ADAMTS2: variants seen among roughly 807,000 people sequenced by gnomAD.
ADAMTS2 encodes ADAM metallopeptidase with thrombospondin type 1 motif 2, also known as A disintegrin and metalloproteinase with thrombospondin motifs 2.
ADAMTS2 carries 50 observed loss-of-function variants against 123.0 expected under a neutral mutation model. That is an observed-to-expected ratio of 0.41 (90% CI 0.32 to 0.51). ADAMTS2 has a LOEUF of 0.51. Ranked by LOEUF, ADAMTS2 falls within the 20% of genes least tolerant of loss-of-function variation. The probability of loss-of-function intolerance (pLI) is 0.35; values close to 1 mark genes in which losing one functional copy is unlikely to be tolerated. For synonymous variants in ADAMTS2, 678 were observed against 695.4 expected (o/e 0.98, Z 0.39); for missense variants, 1,494 against 1,705.2 (o/e 0.88, Z 2.18).
chr5:179,268,185 T>C (rs777602061), intron 3 of ADAMTS2, among the ~76,000 whole-genome samples: 4 of 152,038 alleles, frequency 2.6e-5, no homozygotes, highest in Non-Finnish European at 4.4e-5. Flanking sequence ...TTGAGGAGGG[T>C]CTGTCCCTCC....
chr5:179,257,498 G>A (rs74490385), intron 3 of ADAMTS2, among the ~76,000 whole-genome samples: 6 of 152,210 alleles, frequency 3.9e-5, no homozygotes, highest in Admixed American at 3.3e-4. Flanking sequence ...CCGGCGCCAC[G>A]CCTGCTCCCT....
chr5:179,159,571 C>T (rs1325757547), intron 5 of ADAMTS2, among the ~76,000 whole-genome samples: 1 of 152,148 alleles, frequency 6.6e-6, no homozygotes, highest in African/African-American at 2.4e-5. Context: ...ATGGGAAGCC[C>T]CCGGGAACCA....
Position 179,272,950 on chromosome 5 carries a change from T to C in ADAMTS2, c.649A>G (p.Thr217Ala), listed in dbSNP as rs1180902965. The C allele has an allele frequency of 1.9e-6, 3 of 1,611,456 alleles. No individual in the cohort carries two copies. Among genetic ancestry groups the C allele is most frequent in the Non-Finnish European group, 2.5e-6 (3 of 1,179,816 alleles). The change falls in exon 3 of 22, where the codon ACG (threonine) becomes GCG (alanine). Residue 217 changes from threonine to alanine, a missense_variant. This residue lies in a region of ADAMTS2 where 184 missense variants were observed against 152.1 expected (regional missense o/e 1.21). Transcript: ENST00000251582. This position sits in a 1 kb window ranked among gnomAD's most constrained non-coding sequence, Gnocchi z 5.8. ...TGTGGCCCCCCGAGAGGAGGGGACG[T>C]GGGTGGCCGGCGATACACCACATGC... ...RVHVVYRRPP[T>A]SPPLGGPQAL...
chr5:179,190,668 G>T (rs11249615), intron 4 of ADAMTS2, among the ~76,000 whole-genome samples: 38,864 of 152,180 alleles, frequency 0.26, 5,736 homozygotes, highest in African/African-American at 0.4. Flanking sequence ...ACAAAGCCTG[G>T]TGGTGGTCTC....
rs2113321930 is a variant in ADAMTS2, at chr5:179,185,263, A to T, written c.892-4108T>A. Among the ~76,000 whole-genome samples, 1 of 152,314 alleles carries T rather than the reference A, an allele frequency of 6.6e-6. No individual in the cohort carries two copies. The highest frequency in any genetic ancestry group is 2.4e-5 in the African/African-American group (1 of 41,576). ...AGGTGCCTTACGGAAAGTAGATGGAAGGGGTCAAGATGTGGGAATGTGGGG... is the reference window on the plus strand; with the variant it reads ...AGGTGCCTTACGGAAAGTAGATGGATGGGGTCAAGATGTGGGAATGTGGGG... On this transcript the variant is annotated intron_variant, in intron 4 of 21. Coordinates refer to ENST00000251582, the MANE Select transcript of ADAMTS2 (RefSeq NM_014244.5). The surrounding 1 kb of genome is among the most constrained non-coding windows in gnomAD (Gnocchi z 5.9).
At chr5:179,123,390 A>G (rs1441361954) in intron 19 of ADAMTS2, among the ~76,000 whole-genome samples, 1 of 152,162 alleles carries the variant, frequency 6.6e-6, no homozygotes, top group East Asian at 1.9e-4. Flanking sequence ...CACATTCCCA[A>G]CAAAGGTCTG....
chr5:179,239,755 G>A (rs1483502322), intron 3 of ADAMTS2, among the ~76,000 whole-genome samples: 4 of 152,106 alleles, frequency 2.6e-5, no homozygotes, highest in African/African-American at 7.2e-5. Flanking sequence ...AGCCCTGGGC[G>A]CATCAACCCC....
chr5:179,176,154 C>T (rs556707559), intron 5 of ADAMTS2, among the ~76,000 whole-genome samples: 31 of 152,266 alleles, frequency 2.0e-4, no homozygotes, highest in South Asian at 1.2e-3. Flanking sequence ...CTTCTTTTTC[C>T]GCCTTTAAAT....
chr5:179,343,700 G>C, intron 2 of ADAMTS2, 67 bp downstream of exon 2: 1 of 1,567,386 alleles, frequency 6.4e-7, no homozygotes, highest in Non-Finnish European at 8.6e-7. Flanking sequence ...GGGACTCCCA[G>C]GTAACCCTTT....
At chr5:179,194,056 C>T (rs1335121530) in intron 4 of ADAMTS2, among the ~76,000 whole-genome samples, 1 of 152,214 alleles carries the variant, frequency 6.6e-6, no homozygotes, top group Non-Finnish European at 1.5e-5. Flanking sequence ...GGATGGCTGG[C>T]CCTCCTCGTC....
Position 179,153,372 on chromosome 5 carries a change from A to T in ADAMTS2, c.1515+119T>A, listed in dbSNP as rs1763401793. 4 of 1,486,188 alleles carry T rather than the reference A, an allele frequency of 2.7e-6. No homozygotes were observed. The East Asian group carries it at 9.7e-5, about 36-fold the overall frequency. 92.1% of individuals were successfully genotyped at this position (1,486,188 alleles called of 1,614,324 possible). ...GCAGAGGGACAGGCTGCCACTCTGG[A>T]GGGCCGCTCTGCCCTCCCCACACTG... On this transcript the variant is annotated intron_variant, in intron 9 of 21. Transcript: ENST00000251582.
chr5:179,208,231 C>T (rs1034893900), intron 3 of ADAMTS2, among the ~76,000 whole-genome samples: 1 of 118,104 alleles, frequency 8.5e-6, no homozygotes, highest in African/African-American at 4.7e-5. Context: ...ACTGGTGTCC[C>T]AGGTGTCATC....
At chr5:179,251,352 G>A in intron 3 of ADAMTS2, among the ~76,000 whole-genome samples, 1 of 152,104 alleles carries the variant, frequency 6.6e-6, no homozygotes, top group South Asian at 2.1e-4. Context: ...CTTCAGCAAG[G>A]ACCCAATGTA....
At chr5:179,212,108 T>C (rs754581277) in intron 3 of ADAMTS2, among the ~76,000 whole-genome samples, 12 of 152,192 alleles carry the variant, frequency 7.9e-5, no homozygotes, top group South Asian at 2.1e-4. Context: ...TAGAAACAAG[T>C]ATGATTAGAC....
At chr5:179,184,160 C>T (rs1764111547) in intron 4 of ADAMTS2, among the ~76,000 whole-genome samples, 2 of 152,280 alleles carry the variant, frequency 1.3e-5, no homozygotes, top group South Asian at 4.1e-4. Context: ...CAGACTGCAG[C>T]CTTCCTTCTA....
At chr5:179,207,781 C>T (rs903865671) in intron 3 of ADAMTS2, 66 bp from the exon 4 acceptor site, 13 of 1,421,706 alleles carry the variant, frequency 9.1e-6, no homozygotes, top group South Asian at 4.6e-5. Flanking sequence ...CTACCAGGCG[C>T]CAGCTTGGCC....
chr5:179,307,903 G>A lies in ADAMTS2; in HGVS notation c.535-34839C>T, dbSNP rs76979481. Among the ~76,000 whole-genome samples the A allele has an allele frequency of 0.019, 2,927 of 152,252 alleles. 95 individuals carry two copies. The highest frequency in any genetic ancestry group is 0.065 in the African/African-American group (2,704 of 41,520). ...AACACCATTTCCCAATCATCGACAC[G>A]TGGGTTCTTTATTGGGTCACTCTCT... On this transcript the variant is annotated intron_variant, in intron 2 of 21. Transcript: ENST00000251582. This position sits in a 1 kb window ranked among gnomAD's most constrained non-coding sequence, Gnocchi z 5.6.
At chr5:179,122,122 T>C (rs1011128376) in intron 20 of ADAMTS2, among the ~76,000 whole-genome samples, 2 of 152,144 alleles carry the variant, frequency 1.3e-5, no homozygotes, top group African/African-American at 4.8e-5. Flanking sequence ...TGAGAGATCC[T>C]GGATACACCC....
At position 179,225,616 on chromosome 5, in the gene ADAMTS2, A is replaced by G. The variant is rs1398414498; in HGVS notation, c.689-17901T>C. 6.6e-6 allele frequency among the ~76,000 whole-genome samples: 1 copy of G among 152,168 alleles called. No homozygotes were observed. Among genetic ancestry groups the G allele is most frequent in the Non-Finnish European group, 1.5e-5 (1 of 68,032 alleles). ...GCTGGACGTCGAGAGGAACGCACCA[A>G]CGAGCACCAGCACGCTGCAGGCCAC... On this transcript the variant is annotated intron_variant, in intron 3 of 21. Transcript: ENST00000251582. This position sits in a 1 kb window ranked among gnomAD's most constrained non-coding sequence, Gnocchi z 4.5.
Sources: gnomAD v4.1 joint callset for allele counts (sites outside exome capture counted in the v4.1 genomes callset) on GRCh38, gnomAD v4.1.1 for gene constraint, gnomAD v4.1.1 regional missense constraint, Gnocchi (gnomAD v3.1) non-coding constraint, MANE v1.5 for transcripts, NCBI Gene and HGNC (gene_info 2026-07-23, HGNC 2026-07-21) for gene names.